FRYL: variants seen among roughly 807,000 people sequenced by gnomAD.
FRYL encodes the protein FRY like transcription coactivator.
A neutral mutation model predicts 351.2 loss-of-function variants in FRYL; 150 were observed. The ratio of observed to expected loss-of-function variants is 0.43; its 90% CI spans 0.37 to 0.49. The LOEUF (loss-of-function observed/expected upper bound fraction) is 0.49. FRYL is among the 20% of genes least tolerant of loss of function. The probability of loss-of-function intolerance (pLI) is 0.00; values close to 1 mark genes in which losing one functional copy is unlikely to be tolerated. For synonymous variants in FRYL, 1,153 were observed against 1,257.1 expected, an observed-to-expected ratio of 0.92 and a Z score of 1.75; for missense variants, 3,036 against 3,619.3, an observed-to-expected ratio of 0.84 and a Z score of 4.13.
At position 48,695,138 on chromosome 4, in the gene FRYL, A is replaced by T. The variant is rs372923311; in HGVS notation, c.-203-10343T>A. Among the ~76,000 whole-genome samples the T allele has an allele frequency of 2.4e-4, 36 of 152,322 alleles. 1 individual carries two copies. Among genetic ancestry groups the T allele is most frequent in the East Asian group, 1.2e-3 (6 of 5,186 alleles). On this transcript the variant is annotated intron_variant, in intron 2 of 63. Transcript: ENST00000358350. ...CTGAGCAAAGGAGAAAATGCGTAAGAATCAGTGAACTACTGTTTAAACATA... is the reference window on the plus strand; with the variant it reads ...CTGAGCAAAGGAGAAAATGCGTAAGTATCAGTGAACTACTGTTTAAACATA...
intron 50 of FRYL, among the ~76,000 whole-genome samples, chr4:48,528,612 A>C (rs1035147541): frequency 2.6e-5 from 4 of 152,140 alleles, no homozygotes; most frequent in Non-Finnish European, 5.9e-5. Context: ...AAAAACCACC[A>C]TCTCCACCTT....
rs1263561492 is a variant in FRYL, at chr4:48,564,024, C to T, written c.3520G>A (p.Val1174Met). The change falls in exon 31 of 64, where the codon GTG (valine) becomes ATG (methionine). Residue 1174 changes from valine (V) to methionine (M), a missense_variant. Transcript: ENST00000358350. ...CCGGAGCCCGTGTAGCAGCGGTCCA[C>T]AGCCCAGTACATCAGGTTGCTCTGA... ...PDQSNLMYWAVDRCYTGSGRV... is the reference protein window; with the variant it reads ...PDQSNLMYWAMDRCYTGSGRV... The T allele has an allele frequency of 6.2e-7, 1 of 1,614,208 alleles. No homozygotes were observed.
intron 1 of FRYL, among the ~76,000 whole-genome samples, chr4:48,718,209 G>C (rs1235005211): frequency 6.6e-6 from 1 of 151,502 alleles, no homozygotes; most frequent in East Asian, 1.9e-4. Context: ...TAATTACATA[G>C]TTTAGTTGCA....
rs1718850415 is a variant in FRYL at position 48,498,400 on chromosome 4, A to G, written c.*1022T>C. On this transcript the variant is annotated 3_prime_UTR_variant, in exon 64 of 64. Transcript: ENST00000358350. ...TTCTTGTATAACAACAGTGCATGGC[A>G]CAAATGTACAAGAAAATAACTGGTT... 6.6e-6 allele frequency: 1 copy of G among 152,450 alleles called. No homozygotes were observed. The highest frequency in any genetic ancestry group is 2.1e-4 in the South Asian group (1 of 4,836). The allele number at this position is 152,450 out of a possible 1,614,324, so 9.4% of individuals were successfully genotyped here.
Position 48,498,070 on chromosome 4 carries a change from TC to T in FRYL, c.*1351del, listed in dbSNP as rs1718792763. ...CAAATCAGGAGTTGTGGGACTACAT[TC>T]TTTTTTTTTTTTTTTCTTTCTTTTC... On this transcript the variant is annotated 3_prime_UTR_variant, in exon 64 of 64. Coordinates refer to ENST00000358350, the MANE Select transcript of FRYL (RefSeq NM_015030.2). The T allele has an allele frequency of 1.3e-5, 2 of 151,074 alleles. No homozygotes were observed. Among genetic ancestry groups the T allele is most frequent in the African/African-American group, 4.9e-5 (2 of 41,156 alleles). 9.4% of individuals were successfully genotyped at this position (151,074 alleles called of 1,614,324 possible).
chr4:48,623,041 C>A, intron 5 of FRYL, 85 bp downstream of exon 5: 1 of 778,356 alleles, frequency 1.3e-6, no homozygotes, highest in Non-Finnish European at 2.1e-6. Context: ...TTAAGGAATT[C>A]CTTAATATTG....
chr4:48,524,855 G>A (rs1434391761), intron 53 of FRYL, among the ~76,000 whole-genome samples: 1 of 152,074 alleles, frequency 6.6e-6, no homozygotes, highest in African/African-American at 2.4e-5. Flanking sequence ...AATGTCAAGA[G>A]CTGCCTTTAG....
chr4:48,541,305 G>A (rs1317588888), intron 45 of FRYL, among the ~76,000 whole-genome samples: 2 of 152,112 alleles, frequency 1.3e-5, no homozygotes, highest in Non-Finnish European at 2.9e-5. Context: ...TGATGGTCCT[G>A]ATGTCCCTAT....
intron 19 of FRYL, among the ~76,000 whole-genome samples, chr4:48,586,348 T>C (rs1261976442): frequency 6.6e-6 from 1 of 151,302 alleles, no homozygotes; most frequent in Non-Finnish European, 1.5e-5. Context: ...GTTACAGAAA[T>C]CCCAGGAAAG....
At chr4:48,552,902 T>C (rs1365817623) in intron 36 of FRYL, among the ~76,000 whole-genome samples, 1 of 152,144 alleles carries the variant, frequency 6.6e-6, no homozygotes, top group African/African-American at 2.4e-5. Context: ...TTGAATTTCA[T>C]TGGATGTTCT....
chr4:48,716,450 C>T (rs1768840873), intron 1 of FRYL, among the ~76,000 whole-genome samples: 1 of 151,544 alleles, frequency 6.6e-6, no homozygotes, highest in Non-Finnish European at 1.5e-5. Flanking sequence ...ACAACCCCGT[C>T]AGAAAGTGGG....
chr4:48,753,516 C>T (rs1475265543), intron 1 of FRYL, among the ~76,000 whole-genome samples: 3 of 151,860 alleles, frequency 2.0e-5, no homozygotes, highest in Non-Finnish European at 4.4e-5. Flanking sequence ...CTTTTTATTA[C>T]TGAGTTGTAA....
rs113556419 is a variant in FRYL, at chr4:48,728,918, G to A, written c.-383-18220C>T. 4.2e-3 allele frequency among the ~76,000 whole-genome samples: 636 copies of A among 152,330 alleles called. 4 individuals are homozygous for A. The highest frequency in any genetic ancestry group is 0.014 in the African/African-American group (583 of 41,570). On this transcript the variant is annotated intron_variant, in intron 1 of 63. Coordinates refer to ENST00000358350, the MANE Select transcript of FRYL (RefSeq NM_015030.2). ...AGGGCAAGCCGAAGCAGGGCAGGTC[G>A]TCACCTCACCTGGGAAATGCAAGCG...
intron 48 of FRYL, among the ~76,000 whole-genome samples, chr4:48,534,930 A>C (rs1447156685): frequency 1.3e-5 from 2 of 152,144 alleles, no homozygotes; most frequent in Admixed American, 6.5e-5. Flanking sequence ...TCCTTAACTA[A>C]TTTAGTAGGT....
At chr4:48,670,742 C>T (rs1387324653) in intron 3 of FRYL, among the ~76,000 whole-genome samples, 1 of 152,088 alleles carries the variant, frequency 6.6e-6, no homozygotes, top group East Asian at 1.9e-4. Context: ...ATAATGACCT[C>T]CAGTTCCATC....
rs766740631 is a variant in FRYL, at chr4:48,590,848, G to A, written c.1336-18C>T. 2 of 1,580,306 alleles carry A rather than the reference G, an allele frequency of 1.3e-6. No individual in the cohort carries two copies. Among genetic ancestry groups the A allele is most frequent in the Non-Finnish European group, 1.7e-6 (2 of 1,164,636 alleles). ...TTCATTCTCTTCAAAGGAAAAAAAT[G>A]CAAAAGGAAGAGATGAGTATCATAA... On this transcript the variant is annotated intron_variant, in intron 16 of 63. Coordinates refer to ENST00000358350, the MANE Select transcript of FRYL (RefSeq NM_015030.2).
In FRYL at chr4:48,540,826, G is replaced by C. The variant is rs1328231015; in HGVS notation, c.5822C>G (p.Ser1941Cys). The change falls in exon 46 of 64, where the codon TCT becomes TGT. Residue 1941 changes from serine to cysteine, a missense_variant. Transcript: ENST00000358350. The part of the protein sequence containing the change: ...LGYNSNARSN[S>C]LRLSLIGDRR... ...GTCACCAATCAAACTTAATCTCAAAGAGTTACTTCTTGCATTACTGTTATA... is the reference window on the plus strand; with the variant it reads ...GTCACCAATCAAACTTAATCTCAAACAGTTACTTCTTGCATTACTGTTATA... 3 of 1,613,982 alleles carry C rather than the reference G, an allele frequency of 1.9e-6. No homozygotes were observed. The highest frequency in any genetic ancestry group is 3.3e-4 in the Middle Eastern group (2 of 6,058).
At chr4:48,615,111 C>T (rs1749156570) in intron 7 of FRYL, among the ~76,000 whole-genome samples, 1 of 152,156 alleles carries the variant, frequency 6.6e-6, no homozygotes, top group East Asian at 1.9e-4. Flanking sequence ...CAGGCGTGAG[C>T]CACCGCGCCC....
chr4:48,675,944 C>CA, intron 3 of FRYL, among the ~76,000 whole-genome samples: 1 of 152,302 alleles, frequency 6.6e-6, no homozygotes, highest in South Asian at 2.1e-4. Flanking sequence ...GTGAGTGCAC[C>CA]AATCAACACT....
Sources: allele counts gnomAD v4.1 joint callset (sites outside exome capture counted in the v4.1 genomes callset), GRCh38; gene constraint gnomAD v4.1.1; transcripts MANE v1.5; gene names NCBI Gene and HGNC (gene_info 2026-07-23, HGNC 2026-07-21).